The following SCAF1 variants were observed in gnomAD, a reference collection of about 807,000 sequenced individuals.
The protein encoded by SCAF1 is splicing factor, arginine/serine-rich 19.
A neutral mutation model predicts 91.2 loss-of-function variants in SCAF1; 28 were observed. The observed-to-expected ratio is 0.31, with a 90% confidence interval of 0.23 to 0.42. SCAF1 has a LOEUF of 0.42. Ranked by LOEUF, SCAF1 falls within the 10% of genes least tolerant of loss-of-function variation. SCAF1 has a pLI of 1.00. For missense variants in SCAF1, 1,893 were observed against 1,872.1 expected (o/e 1.01, Z -0.21); for synonymous variants, 1,036 against 833.7 (o/e 1.24, Z -4.18).
Position 49,653,451 on chromosome 19 carries a change from C to A in SCAF1, c.3062C>A (p.Ala1021Glu). Residue 1021 changes from alanine (A) to glutamate (E), a missense_variant, in exon 7 of 11, where the codon GCG (alanine) becomes GAG (glutamate). Physicochemically the swap from Ala to Glu is moderately radical, Grantham distance 107. Coordinates refer to ENST00000360565, the MANE Select transcript of SCAF1 (RefSeq NM_021228.3). ...GAGGAGGCTGGGGTCCGAGGTGGGGCGGAGGAGGAGGAGGAGGAAGAAGAA... is the reference window on the plus strand; with the variant it reads ...GAGGAGGCTGGGGTCCGAGGTGGGGAGGAGGAGGAGGAGGAGGAAGAAGAA... ...ATEEAGVRGG[A>E]EEEEEEEEEE... The A allele has an allele frequency of 6.5e-7, 1 of 1,537,530 alleles. No individual in the cohort carries two copies. The highest frequency in any genetic ancestry group is 8.8e-7 in the Non-Finnish European group (1 of 1,141,030).
At chr19:49,647,876 G>A (rs900800576) in intron 6 of SCAF1, among the ~76,000 whole-genome samples, 27 of 151,982 alleles carry the variant, frequency 1.8e-4, no homozygotes, top group African/African-American at 5.8e-4. Flanking sequence ...CAAGTGATCC[G>A]CCCGCCTCAG....
At chr19:49,648,969 CAAAA>C (rs71180644) in intron 6 of SCAF1, among the ~76,000 whole-genome samples, 2 of 63,954 alleles carry the variant, frequency 3.1e-5, no homozygotes, top group Non-Finnish European at 3.2e-5. Context: ...GACTCCCTCT[CAAAA>C]AAAAAAAAAA....
chr19:49,655,090 T>C, intron 9 of SCAF1, among the ~76,000 whole-genome samples: 1 of 152,170 alleles, frequency 6.6e-6, no homozygotes, highest in African/African-American at 2.4e-5. Flanking sequence ...TGTGCGTGTG[T>C]GGGGCTGTGT....
rs1555748804 is a variant in SCAF1, at chr19:49,650,843, C to T, written c.479-25C>T. Reference sequence around the variant, plus strand: ...AGGAGGGAGGCAAAGGCCCTGACCGCCTCTCTCTCCCTGTTCCTTTGCAGT... The same window carrying T: ...AGGAGGGAGGCAAAGGCCCTGACCGTCTCTCTCTCCCTGTTCCTTTGCAGT... On this transcript the variant is annotated intron_variant, in intron 6 of 10. Coordinates refer to ENST00000360565, the MANE Select transcript of SCAF1 (RefSeq NM_021228.3). 11 of 1,583,184 alleles carry T rather than the reference C, an allele frequency of 6.9e-6. No individual in the cohort carries two copies. In the South Asian group the frequency reaches 1.3e-4, roughly 18 times the overall value.
At chr19:49,648,797 CCT>C (rs1334275025) in intron 6 of SCAF1, among the ~76,000 whole-genome samples, 2 of 151,782 alleles carry the variant, frequency 1.3e-5, no homozygotes, top group East Asian at 3.9e-4. Flanking sequence ...ATGGTGAAAC[CCT>C]GTCTCCATTA....
At chr19:49,656,871 G>A (rs972884175) in intron 9 of SCAF1, among the ~76,000 whole-genome samples, 1 of 152,182 alleles carries the variant, frequency 6.6e-6, no homozygotes, top group African/African-American at 2.4e-5. Flanking sequence ...AGCCACAAAG[G>A]TGGCCAGGCA....
chr19:49,651,397 G>A lies in SCAF1; in HGVS notation c.1008G>A (p.Pro336=), dbSNP rs888560439. The A allele has an allele frequency of 1.9e-6, 3 of 1,606,762 alleles. No individual in the cohort carries two copies. Among genetic ancestry groups the A allele is most frequent in the Non-Finnish European group, 2.5e-6 (3 of 1,178,506 alleles). ...PTQPTPAPGT[P]PQVDSTRADG... ...AGCCGACTCCCGCCCCTGGAACGCC[G>A]CCCCAGGTGGACTCCACCCGGGCTG... is the stretch of plus-strand genomic sequence containing the variant. Residue 336 remains proline, a synonymous_variant, in exon 7 of 11, where the codon CCG becomes CCA. Transcript: ENST00000360565.
chr19:49,648,576 T>C (rs1265270855), intron 6 of SCAF1, among the ~76,000 whole-genome samples: 2 of 146,348 alleles, frequency 1.4e-5, no homozygotes, highest in Non-Finnish European at 3.0e-5. Flanking sequence ...CCCCCTTTTT[T>C]TTTAACAGCT....
rs1599826920 is a variant in SCAF1 at position 49,652,058 on chromosome 19, T to C, written c.1669T>C (p.Ser557Pro). ...ASPWDSKKHR[S>P]RDRKPGSHAS... ...GCCCTGGGACTCCAAGAAGCACCGC[T>C]CGCGGGACCGCAAGCCCGGCTCCCA... is the stretch of plus-strand genomic sequence containing the variant. Residue 557 changes from serine to proline, a missense_variant, in exon 7 of 11, where the codon TCG (serine) becomes CCG (proline). Physicochemically the swap from Ser to Pro is moderately conservative, Grantham distance 74. Around this residue, in one of 5 missense-constraint regions of SCAF1, gnomAD observed 1,436 missense variants for 1,306.8 expected, o/e 1.10. Coordinates refer to ENST00000360565, the MANE Select transcript of SCAF1 (RefSeq NM_021228.3). The C allele has an allele frequency of 8.2e-7, 1 of 1,225,222 alleles. No homozygotes were observed. Among genetic ancestry groups the C allele is most frequent in the Admixed American group, 4.0e-5 (1 of 25,036 alleles). 75.9% of individuals were successfully genotyped at this position (1,225,222 alleles called of 1,614,324 possible). A position where few individuals can be genotyped will look rare whatever the true frequency, so the allele number is the denominator to read the frequency against.
rs2081058778 is a variant in SCAF1 at position 49,646,873 on chromosome 19, T to C, written c.478+43T>C. 6 of 1,485,054 alleles carry C rather than the reference T, an allele frequency of 4.0e-6. No individual in the cohort carries two copies. The highest frequency in any genetic ancestry group is 5.5e-6 in the Non-Finnish European group (6 of 1,089,346). 92.0% of individuals were successfully genotyped at this position (1,485,054 alleles called of 1,614,324 possible). A position where few individuals can be genotyped will look rare whatever the true frequency, so the allele number is the denominator to read the frequency against. ...GGAGCTGGGCAGGTGGTCGTGGAGT[T>C]GTGTGGGGATCGGCTGTTTTTGGTA... On this transcript the variant is annotated intron_variant, in intron 6 of 10. Coordinates refer to ENST00000360565, the MANE Select transcript of SCAF1 (RefSeq NM_021228.3). This position sits in a 1 kb window ranked among gnomAD's most constrained non-coding sequence, Gnocchi z 5.6.
At chr19:49,654,894 G>C (rs2081129852) in intron 9 of SCAF1, 24 bp downstream of exon 9, 1 of 1,518,722 alleles carries the variant, frequency 6.6e-7, no homozygotes, top group Non-Finnish European at 8.9e-7. Context: ...GGGAGAGGTG[G>C]GGCGGTGCTG....
rs1487556795 is a variant in SCAF1, at chr19:49,654,379, C to G, written c.3347C>G (p.Ala1116Gly). Residue 1116 changes from alanine to glycine, a missense_variant, in exon 8 of 11, where the codon GCC becomes GGC. Physicochemically the swap from Ala to Gly is moderately conservative, Grantham distance 60. Around this residue, in one of 5 missense-constraint regions of SCAF1, gnomAD observed 1,436 missense variants for 1,306.8 expected, o/e 1.10. Transcript: ENST00000360565. ...LTALLFKMEEANLASRAKAQE... is the reference protein window; with the variant it reads ...LTALLFKMEEGNLASRAKAQE... The stretch of plus-strand genomic sequence containing the variant: ...GCACTTCTCTTCAAGATGGAAGAAG[C>G]CAACCTGGCGAGCCGAGCGAAGGCC... The G allele has an allele frequency of 6.2e-7, 1 of 1,613,390 alleles. No individual in the cohort carries two copies. The highest frequency in any genetic ancestry group is 8.5e-7 in the Non-Finnish European group (1 of 1,179,972).
In SCAF1 at chr19:49,646,717, G is replaced by A. The variant is rs2081057614; in HGVS notation, c.365G>A (p.Ser122Asn). ...CACCCACCCCTTCCGCCTTGCAGAA[G>A]TGAGGACATGCTGGAGCTGGTGGCT... is the stretch of plus-strand genomic sequence containing the variant. Reference protein sequence around the residue: ...PSRLDLRPGESEDMLELVAEV... With the variant: ...PSRLDLRPGENEDMLELVAEV... The change falls in exon 6 of 11, where the codon AGT becomes AAT. Residue 122 changes from serine (S) to asparagine (N), a missense_variant and splice_region_variant. By Grantham distance (46) the Ser-to-Asn change is conservative. Around this residue, in one of 5 missense-constraint regions of SCAF1, gnomAD observed 270 missense variants for 292.5 expected, o/e 0.92. Transcript: ENST00000360565. This position sits in a 1 kb window ranked among gnomAD's most constrained non-coding sequence, Gnocchi z 5.6. The A allele has an allele frequency of 1.2e-6, 2 of 1,613,892 alleles. No homozygotes were observed. Among genetic ancestry groups the A allele is most frequent in the South Asian group, 1.1e-5 (1 of 91,068 alleles).
At chr19:49,650,182 A>G (rs1227722812) in intron 6 of SCAF1, among the ~76,000 whole-genome samples, 1 of 152,212 alleles carries the variant, frequency 6.6e-6, no homozygotes, top group Non-Finnish European at 1.5e-5. Flanking sequence ...AGTCCTGAGC[A>G]GATGTAATTC....
In SCAF1 at chr19:49,654,855, TG is replaced by T; in HGVS notation, c.3607del (p.Asp1203ThrfsTer6). On this transcript the variant is annotated frameshift_variant, in exon 9 of 11. Coordinates refer to ENST00000360565, the MANE Select transcript of SCAF1 (RefSeq NM_021228.3). LOFTEE classifies it high-confidence loss of function. ...REGSSSSEGR[G>X]DTDKYLKKLH... is the part of the protein sequence containing the mutation. Reference sequence around the variant, plus strand: ...AGGGCAGCAGCAGCTCTGAGGGCCGTGGGGACACAGATAAGGTGAGCTGGCC... The same window carrying T: ...AGGGCAGCAGCAGCTCTGAGGGCCGTGGGACACAGATAAGGTGAGCTGGCC... 1 of 1,600,032 alleles carries T rather than the reference TG, an allele frequency of 6.2e-7. No homozygotes were observed.
rs1019982812 is a variant in SCAF1, at chr19:49,653,495, G to C, written c.3106G>C (p.Glu1036Gln). 1.3e-6 allele frequency: 2 copies of C among 1,562,448 alleles called. No homozygotes were observed. The highest frequency in any genetic ancestry group is 1.3e-5 in the African/African-American group (1 of 74,158). ...EEEEEEEEEE[E>Q]EEEQQPATTT... is the part of the protein sequence containing the mutation. ...AGAAGAAGAGGAGGAGGAAGAGGAA[G>C]AGGAGGAGGAGCAGCAGCCTGCTAC... The change falls in exon 7 of 11, where the codon GAG becomes CAG. Residue 1036 changes from glutamate (E) to glutamine (Q), a missense_variant. Glu to Gln is a conservative substitution (Grantham distance 29). This residue lies in a region of SCAF1 where 1,436 missense variants were observed against 1,306.8 expected (regional missense o/e 1.10). Transcript: ENST00000360565.
At position 49,657,748 on chromosome 19, in the gene SCAF1, G is replaced by A. The variant is rs541863713; in HGVS notation, c.3619-13G>A. 4.6e-5 allele frequency: 74 copies of A among 1,592,502 alleles called. 1 individual carries two copies. The highest frequency in any genetic ancestry group is 4.6e-4 in the South Asian group (41 of 88,298). On this transcript the variant is annotated splice_polypyrimidine_tract_variant and intron_variant, in intron 9 of 10. Transcript: ENST00000360565. ...CCTTGCTGTGTCTTCCCCCGCTGTC[G>A]CCACCCCACCAGTATCTGAAGAAGC...
rs764881981 is a variant in SCAF1, at chr19:49,658,446, G to C, written c.*47G>C. ...CCCTCACCTCTTTGAAACTCTGGAC[G>C]TATTTATGGCTCCACCTCCCCACCT... On this transcript the variant is annotated 3_prime_UTR_variant, in exon 11 of 11. Coordinates refer to ENST00000360565, the MANE Select transcript of SCAF1 (RefSeq NM_021228.3). 17 of 1,090,164 alleles carry C rather than the reference G, an allele frequency of 1.6e-5. No individual in the cohort carries two copies. The highest frequency in any genetic ancestry group is 5.0e-5 in the Admixed American group (2 of 39,712). The allele number at this position is 1,090,164 out of a possible 1,614,324, so 67.5% of individuals were successfully genotyped here. A position where few individuals can be genotyped will look rare whatever the true frequency, so the allele number is the denominator to read the frequency against.
rs372568410 is a variant in SCAF1, at chr19:49,653,212, G to A, written c.2823G>A (p.Ser941=). The change falls in exon 7 of 11, where the codon TCG becomes TCA. Residue 941 remains serine (S), a synonymous_variant. Transcript: ENST00000360565. ...GGSGGSGGQV[S]LKKSKADSCS... ...GCGGGGGCAGTGGTGGCCAGGTGTC[G>A]CTGAAGAAGTCCAAGGCGGATAGCT... The A allele has an allele frequency of 2.1e-5, 32 of 1,532,712 alleles. No individual in the cohort carries two copies. Among genetic ancestry groups the A allele is most frequent in the East Asian group, 1.9e-4 (8 of 42,792 alleles). 94.9% of individuals were successfully genotyped at this position (1,532,712 alleles called of 1,614,324 possible). A position where few individuals can be genotyped will look rare whatever the true frequency, so the allele number is the denominator to read the frequency against.
Sources: gnomAD v4.1 joint callset for allele counts (sites outside exome capture counted in the v4.1 genomes callset) on GRCh38, gnomAD v4.1.1 for gene constraint, gnomAD v4.1.1 regional missense constraint, Gnocchi (gnomAD v3.1) non-coding constraint, MANE v1.5 for transcripts, NCBI Gene and HGNC (gene_info 2026-07-23, HGNC 2026-07-21) for gene names.